The following B3GALT1 variants were observed in gnomAD, a reference collection of about 807,000 sequenced individuals.
The protein encoded by B3GALT1 is beta-1,3-galactosyltransferase 1, also known as UDP-Gal:betaGlcNAc beta 1,3-galactosyltransferase, polypeptide 1.
In B3GALT1, 10 loss-of-function variants were observed where a neutral mutation model predicts 23.2. The ratio of observed to expected loss-of-function variants is 0.43; its 90% confidence interval spans 0.27 to 0.73. The LOEUF is 0.73. B3GALT1 is among the 30% of genes least tolerant of loss of function. The pLI is 0.21. For synonymous variants in B3GALT1, 156 were observed against 141.5 expected (o/e 1.10, Z -0.73); for missense variants, 299 against 405.4 (o/e 0.74, Z 2.25).
intron 3 of B3GALT1, among the ~76,000 whole-genome samples, chr2:167,769,665 A>G (rs929821263): frequency 1.3e-5 from 2 of 152,124 alleles, no homozygotes; most frequent in South Asian, 2.1e-4. Flanking sequence ...CATACAATAT[A>G]TAGTCTTTTG....
chr2:167,667,749 A>T (rs539290290), intron 3 of B3GALT1, among the ~76,000 whole-genome samples: 1 of 151,950 alleles, frequency 6.6e-6, no homozygotes, highest in African/African-American at 2.4e-5. Flanking sequence ...GCATCGGCTG[A>T]GGCTTCTGCA....
chr2:167,500,513 T>G (rs1026284117), intron 2 of B3GALT1, among the ~76,000 whole-genome samples: 5 of 152,042 alleles, frequency 3.3e-5, no homozygotes, highest in Admixed American at 6.6e-5. Flanking sequence ...GGGACTGGAG[T>G]TGGCACTCCT....
intron 1 of B3GALT1, among the ~76,000 whole-genome samples, chr2:167,293,624 T>G (rs1298957099): frequency 6.6e-6 from 1 of 151,932 alleles, no homozygotes; most frequent in Non-Finnish European, 1.5e-5. Context: ...GAACAGTGGG[T>G]CCCCTCTGCG....
chr2:167,759,299 A>G lies in B3GALT1; in HGVS notation c.-351-59373A>G, dbSNP rs1453684168. On this transcript the variant is annotated intron_variant, in intron 3 of 4. Coordinates refer to ENST00000392690, the MANE Select transcript of B3GALT1 (RefSeq NM_020981.4). Reference sequence around the variant, plus strand: ...CTTGATCTTAACTTGCCTAGACTTCAGTTTCCTTGTCTCTAAAGTAGGGCT... The same window carrying G: ...CTTGATCTTAACTTGCCTAGACTTCGGTTTCCTTGTCTCTAAAGTAGGGCT... Among the ~76,000 whole-genome samples the G allele has an allele frequency of 3.3e-5, 5 of 152,306 alleles. No homozygotes were observed. The East Asian group carries it at 9.7e-4, about 29-fold the overall frequency.
At chr2:167,713,890 G>A in intron 3 of B3GALT1, 1 of 1,583,618 alleles carries the variant, frequency 6.3e-7, no homozygotes, top group Non-Finnish European at 8.7e-7. Context: ...CTCCAAACAT[G>A]GTTCCTGGAG....
intron 3 of B3GALT1, among the ~76,000 whole-genome samples, chr2:167,783,538 C>T (rs1305312839): frequency 6.6e-6 from 1 of 152,162 alleles, no homozygotes; most frequent in African/African-American, 2.4e-5. Flanking sequence ...ATTTTCCACA[C>T]AATTTTTTAC....
At chr2:167,563,403 C>T (rs1331724460) in intron 2 of B3GALT1, among the ~76,000 whole-genome samples, 22 of 131,288 alleles carry the variant, frequency 1.7e-4, no homozygotes, top group Non-Finnish European at 3.0e-4. Flanking sequence ...GCTGGCCGGG[C>T]GGGGGGCTGA....
chr2:167,725,005 G>A (rs1049897016), intron 3 of B3GALT1, among the ~76,000 whole-genome samples: 1 of 152,176 alleles, frequency 6.6e-6, no homozygotes, highest in African/African-American at 2.4e-5. Context: ...AAATGACAAT[G>A]AGACTCATTT....
At chr2:167,631,772 T>TC (rs200632894) in intron 2 of B3GALT1, among the ~76,000 whole-genome samples, 21,624 of 136,956 alleles carry the variant, frequency 0.16, 2,668 homozygotes, top group East Asian at 0.61. Context: ...TTCTTTTCTT[T>TC]TTTTTTTTTT....
intron 2 of B3GALT1, among the ~76,000 whole-genome samples, chr2:167,495,822 G>A (rs553620120): frequency 6.6e-6 from 1 of 152,280 alleles, no homozygotes; most frequent in African/African-American, 2.4e-5. Flanking sequence ...GTTTCGTATG[G>A]TGAAGGGAAT....
At chr2:167,294,694 T>C (rs1463467541) in intron 1 of B3GALT1, among the ~76,000 whole-genome samples, 3 of 152,168 alleles carry the variant, frequency 2.0e-5, no homozygotes. Flanking sequence ...GGCGTTGGGG[T>C]TGCAGCAGGG....
chr2:167,562,448 T>G (rs1483277552), intron 2 of B3GALT1, among the ~76,000 whole-genome samples: 1 of 152,096 alleles, frequency 6.6e-6, no homozygotes, highest in African/African-American at 2.4e-5. Context: ...TGTTGGAAGT[T>G]CTGGCCAGGG....
chr2:167,630,575 G>C (rs1024063523), intron 2 of B3GALT1, among the ~76,000 whole-genome samples: 1 of 151,536 alleles, frequency 6.6e-6, no homozygotes, highest in Non-Finnish European at 1.5e-5. Context: ...AGTAAGTGCT[G>C]AAGGATTTTG....
chr2:167,364,109 A>G (rs1318122911), intron 1 of B3GALT1, among the ~76,000 whole-genome samples: 1 of 139,280 alleles, frequency 7.2e-6, no homozygotes, highest in African/African-American at 2.6e-5. Flanking sequence ...GGTTGCAGTG[A>G]GCTGAGATTG....
At chr2:167,545,082 T>G (rs1304385623) in intron 2 of B3GALT1, among the ~76,000 whole-genome samples, 3 of 122,422 alleles carry the variant, frequency 2.5e-5, no homozygotes, top group Non-Finnish European at 4.8e-5. Flanking sequence ...TCGCCCAGGC[T>G]GGAGTGCAGT....
intron 3 of B3GALT1, among the ~76,000 whole-genome samples, chr2:167,763,384 G>T (rs1375499443): frequency 6.6e-6 from 1 of 152,108 alleles, no homozygotes; most frequent in Non-Finnish European, 1.5e-5. Flanking sequence ...CAATAAAAAA[G>T]TAAACACTTT....
chr2:167,794,585 T>C (rs1033395993), intron 3 of B3GALT1, among the ~76,000 whole-genome samples: 10 of 152,246 alleles, frequency 6.6e-5, no homozygotes, highest in Admixed American at 6.5e-4. Flanking sequence ...AAAGCTTTGC[T>C]GCATACCCGT....
At chr2:167,621,364 G>T (rs1426492082) in intron 2 of B3GALT1, among the ~76,000 whole-genome samples, 1 of 151,828 alleles carries the variant, frequency 6.6e-6, no homozygotes, top group African/African-American at 2.4e-5. Context: ...GGAATTACAG[G>T]CGTGAGCCAC....
At chr2:167,810,033 C>T (rs1464407222) in intron 3 of B3GALT1, among the ~76,000 whole-genome samples, 2 of 152,192 alleles carry the variant, frequency 1.3e-5, no homozygotes, top group Admixed American at 1.3e-4. Flanking sequence ...TGATCTCAGA[C>T]TGCTGTGCTA....
Sources: gnomAD v4.1 joint callset for allele counts (sites outside exome capture counted in the v4.1 genomes callset) on GRCh38, gnomAD v4.1.1 for gene constraint, MANE v1.5 for transcripts, NCBI Gene and HGNC (gene_info 2026-07-23, HGNC 2026-07-21) for gene names.